The following ERBB3 variants were observed in gnomAD, a reference collection of about 807,000 sequenced individuals.
ERBB3 encodes the protein receptor tyrosine-protein kinase erbB-3.
In ERBB3, 96 loss-of-function variants were observed where a neutral mutation model predicts 156.7. That is an observed-to-expected ratio of 0.61 (90% CI 0.52 to 0.73). The LOEUF (loss-of-function observed/expected upper bound fraction) is 0.73. ERBB3 is among the 30% of genes least tolerant of loss of function. The pLI, the probability that ERBB3 is intolerant of heterozygous loss-of-function variation, is 0.00. For synonymous variants in ERBB3, 567 were observed against 632.0 expected, an observed-to-expected ratio of 0.90 and a Z score of 1.54; for missense variants, 1,406 against 1,709.4, an observed-to-expected ratio of 0.82 and a Z score of 3.13.
rs1005015664 is a variant in ERBB3 at position 56,089,028 on chromosome 12, T to C, written c.1109+160T>C. ...GAAAGAATGCTTAACACATCCTCCA[T>C]CCAGGCCTTCGGTCCCCTCAGGAAC... On this transcript the variant is annotated intron_variant, in intron 9 of 27. Coordinates refer to ENST00000267101, the MANE Select transcript of ERBB3 (RefSeq NM_001982.4). 1.8e-5 allele frequency: 17 copies of C among 934,688 alleles called. No homozygotes were observed. The African/African-American group carries it at 2.8e-4, about 15-fold the overall frequency. 57.9% of individuals were successfully genotyped at this position (934,688 alleles called of 1,614,324 possible).
chr12:56,093,129 A>G (rs1868771671), intron 11 of ERBB3, 53 bp downstream of exon 11: 1 of 1,383,066 alleles, frequency 7.2e-7, no homozygotes, highest in East Asian at 2.3e-5. Flanking sequence ...AGCCTGTGTC[A>G]TAGGCATTCT....
chr12:56,080,359 C>T lies in ERBB3; in HGVS notation c.59C>T (p.Ser20Phe), dbSNP rs34379766. Residue 20 changes from serine to phenylalanine, a missense_variant, in exon 1 of 28, where the codon TCC becomes TTC. Ser to Phe is a radical substitution (Grantham distance 155). Coordinates refer to ENST00000267101, the MANE Select transcript of ERBB3 (RefSeq NM_001982.4). ...LGLLFSLARG[S>F]EVGNSQAVCP... ...TTGCTTTTCAGCCTGGCCCGGGGCT[C>T]CGAGGTGGGCAACTCTCAGGCAGGT... is the stretch of plus-strand genomic sequence containing the variant. 1 of 1,594,414 alleles carries T rather than the reference C, an allele frequency of 6.3e-7. No homozygotes were observed. The highest frequency in any genetic ancestry group is 1.7e-4 in the Middle Eastern group (1 of 5,928).
rs1868921787 is a variant in ERBB3 at position 56,097,315 on chromosome 12, G to C, written c.2460+85G>C. 7 of 1,367,526 alleles carry C rather than the reference G, an allele frequency of 5.1e-6. No individual in the cohort carries two copies. The South Asian group carries it at 8.4e-5, about 16-fold the overall frequency. 84.7% of individuals were successfully genotyped at this position (1,367,526 alleles called of 1,614,324 possible). A position where few individuals can be genotyped will look rare whatever the true frequency, so the allele number is the denominator to read the frequency against. ...AAAAGTGAGAAGGTTGAAGTTCTGAGAGGTGAGGTCCCCAACCCCCGGGCT... is the reference window on the plus strand; with the variant it reads ...AAAAGTGAGAAGGTTGAAGTTCTGACAGGTGAGGTCCCCAACCCCCGGGCT... On this transcript the variant is annotated intron_variant, in intron 20 of 27. Coordinates refer to ENST00000267101, the MANE Select transcript of ERBB3 (RefSeq NM_001982.4).
chr12:56,084,954 C>T (rs1455404479), intron 2 of ERBB3, 41 bp from the exon 3 acceptor site: 3 of 1,613,224 alleles, frequency 1.9e-6, no homozygotes, highest in Non-Finnish European at 2.5e-6. Flanking sequence ...GATTATTTTG[C>T]CCTGTTGTCT....
intron 6 of ERBB3, 22 bp from the exon 7 acceptor site, chr12:56,087,999 G>A (rs1868544694): frequency 6.2e-7 from 1 of 1,614,020 alleles, no homozygotes; most frequent in Non-Finnish European, 8.5e-7. Flanking sequence ...ACATAAATCT[G>A]ATGAGCCTCC....
At position 56,101,632 on chromosome 12, in the gene ERBB3, G is replaced by T; in HGVS notation, c.3606G>T (p.Arg1202=). The change falls in exon 28 of 28, where the codon CGG becomes CGT. Residue 1202 remains arginine, a synonymous_variant. Coordinates refer to ENST00000267101, the MANE Select transcript of ERBB3 (RefSeq NM_001982.4). ...ATGAGGAGTATGAATACATGAACCG[G>T]AGGAGAAGGCACAGTCCACCTCATC... ...DEDEEYEYMN[R]RRRHSPPHPP... The T allele has an allele frequency of 3.1e-6, 5 of 1,613,956 alleles. No individual in the cohort carries two copies. The highest frequency in any genetic ancestry group is 4.2e-6 in the Non-Finnish European group (5 of 1,180,010).
intron 23 of ERBB3, among the ~76,000 whole-genome samples, chr12:56,099,360 T>C (rs1210538373): frequency 6.6e-6 from 1 of 151,536 alleles, no homozygotes; most frequent in East Asian, 1.9e-4. Context: ...TGCAGTAGCG[T>C]GACCTTGGCT....
At chr12:56,098,363 G>A in intron 21 of ERBB3, 137 bp from the exon 22 acceptor site, 1 of 704,822 alleles carries the variant, frequency 1.4e-6, no homozygotes, top group East Asian at 2.7e-5. Context: ...AGTGGGCCGA[G>A]ATCGCACCAC....
rs1868337829 is a variant in ERBB3 at position 56,080,330 on chromosome 12, G to A, written c.30G>A (p.Leu10=). MRANDALQV[L]GLLFSLARGS... ...GGGCGAACGACGCTCTGCAGGTGCT[G>A]GGCTTGCTTTTCAGCCTGGCCCGGG... Residue 10 remains leucine (L), a synonymous_variant, in exon 1 of 28, where the codon CTG becomes CTA. Coordinates refer to ENST00000267101, the MANE Select transcript of ERBB3 (RefSeq NM_001982.4). 1 of 1,588,176 alleles carries A rather than the reference G, an allele frequency of 6.3e-7. No homozygotes were observed. Among genetic ancestry groups the A allele is most frequent in the Non-Finnish European group, 8.6e-7 (1 of 1,166,280 alleles).
rs1433201611 is a variant in ERBB3 at position 56,098,900 on chromosome 12, T to C, written c.2834T>C (p.Val945Ala). 1 of 1,613,788 alleles carries C rather than the reference T, an allele frequency of 6.2e-7. No individual in the cohort carries two copies. Among genetic ancestry groups the C allele is most frequent in the African/African-American group, 1.3e-5 (1 of 74,852 alleles). The change falls in exon 23 of 28, where the codon GTC becomes GCC. Residue 945 changes from valine to alanine, a missense_variant. Val to Ala is a moderately conservative substitution (Grantham distance 64, BLOSUM62 0). This residue lies in a region of ERBB3 where 979 missense variants were observed against 1,219.6 expected (regional missense o/e 0.80). Transcript: ENST00000267101. ...ACAATTGATGTCTACATGGTGATGG[T>C]CAAGTGTGAGTTACCTGCTGAGCCC... Reference protein sequence around the residue: ...ICTIDVYMVMVKCWMIDENIR... With the variant: ...ICTIDVYMVMAKCWMIDENIR...
At chr12:56,095,562 T>C in intron 16 of ERBB3, 103 bp from the exon 17 acceptor site, 1 of 1,384,938 alleles carries the variant, frequency 7.2e-7, no homozygotes, top group Non-Finnish European at 1.0e-6. Context: ...TGAATGTTAA[T>C]TTCTTGCCCC....
rs1186294515 is a variant in ERBB3 at position 56,095,765 on chromosome 12, C to G, written c.2014C>G (p.Gln672Glu). Reference protein sequence around the residue: ...TFLYWRGRRIQNKRAMRRYLE... With the variant: ...TFLYWRGRRIENKRAMRRYLE... ...TCTCTACTGGCGTGGGCGCCGGATT[C>G]AGAATAAAAGGGCTATGAGGCGATA... The change falls in exon 17 of 28, where the codon CAG becomes GAG. Residue 672 changes from glutamine to glutamate, a missense_variant. Coordinates refer to ENST00000267101, the MANE Select transcript of ERBB3 (RefSeq NM_001982.4). The G allele has an allele frequency of 1.2e-6, 2 of 1,614,044 alleles. No individual in the cohort carries two copies. The highest frequency in any genetic ancestry group is 2.7e-5 in the African/African-American group (2 of 74,928).
At chr12:56,092,859 T>TGAAC in intron 10 of ERBB3, 39 bp downstream of exon 10, 1 of 1,583,984 alleles carries the variant, frequency 6.3e-7, no homozygotes, top group Non-Finnish European at 8.7e-7. Context: ...GAAGAATAGG[T>TGAAC]GAACCACTGG....
rs375732870 is a variant in ERBB3, at chr12:56,097,176, C to G, written c.2406C>G (p.His802Gln). ...LGSLLDHVRQ[H>Q]RGALGPQLLL... is the part of the protein sequence containing the mutation. ...CTCTGCTGGATCATGTGAGACAACA[C>G]CGGGGGGCACTGGGGCCACAGCTGC... The change falls in exon 20 of 28, where the codon CAC becomes CAG. Residue 802 changes from histidine (H) to glutamine (Q), a missense_variant. His to Gln is a conservative substitution (Grantham distance 24, BLOSUM62 0). This residue lies in a region of ERBB3 where 979 missense variants were observed against 1,219.6 expected (regional missense o/e 0.80). Transcript: ENST00000267101. The G allele has an allele frequency of 5.6e-6, 9 of 1,614,110 alleles. No homozygotes were observed. The highest frequency in any genetic ancestry group is 6.8e-6 in the Non-Finnish European group (8 of 1,180,008).
At chr12:56,083,651 T>C in intron 1 of ERBB3, 100 bp from the exon 2 acceptor site, 1 of 1,351,170 alleles carries the variant, frequency 7.4e-7, no homozygotes, top group Non-Finnish European at 1.1e-6. Context: ...CTGTCTAATG[T>C]AACTGGAAGA....
rs773994974 is a variant in ERBB3 at position 56,094,361 on chromosome 12, C to T, written c.1705-41C>T. Reference sequence around the variant, plus strand: ...CTTTGCTGGGAGGTATGGAATTGACCTTGGGATCTGATTCTTCCTGACCTT... The same window carrying T: ...CTTTGCTGGGAGGTATGGAATTGACTTTGGGATCTGATTCTTCCTGACCTT... On this transcript the variant is annotated intron_variant, in intron 14 of 27. Transcript: ENST00000267101. 1.4e-5 allele frequency: 22 copies of T among 1,612,666 alleles called. No homozygotes were observed. The Admixed American group carries it at 3.5e-4, about 26-fold the overall frequency.
chr12:56,080,457 G>A, intron 1 of ERBB3, 75 bp downstream of exon 1: 2 of 1,241,406 alleles, frequency 1.6e-6, no homozygotes, highest in Non-Finnish European at 2.3e-6. Context: ...CGGAGGGTAT[G>A]GGCACGGTCT....
chr12:56,089,496 C>T (rs923880910), intron 9 of ERBB3, among the ~76,000 whole-genome samples: 6 of 151,972 alleles, frequency 3.9e-5, no homozygotes, highest in African/African-American at 1.5e-4. Flanking sequence ...GCCTATAATC[C>T]CAGCACTTTG....
intron 7 of ERBB3, 139 bp from the exon 8 acceptor site, chr12:56,088,404 C>T: frequency 1.2e-6 from 1 of 862,410 alleles, no homozygotes; most frequent in Non-Finnish European, 2.0e-6. Context: ...TATAGGGCAG[C>T]ACTTAAGGGA....
Sources: gnomAD v4.1 joint callset for allele counts (sites outside exome capture counted in the v4.1 genomes callset) on GRCh38, gnomAD v4.1.1 for gene constraint, gnomAD v4.1.1 regional missense constraint, MANE v1.5 for transcripts, NCBI Gene and HGNC (gene_info 2026-07-23, HGNC 2026-07-21) for gene names.